The following OSBPL3 variants were observed in gnomAD, a reference collection of about 807,000 sequenced individuals.
OSBPL3 encodes the protein oxysterol binding protein like 3.
OSBPL3 carries 65 observed loss-of-function variants against 120.1 expected under a neutral mutation model. That is an observed-to-expected ratio of 0.54 (90% CI 0.44 to 0.67). OSBPL3 has a LOEUF of 0.67. OSBPL3 is among the 30% of genes least tolerant of loss of function. The pLI, the probability that OSBPL3 is intolerant of heterozygous loss-of-function variation, is 0.00. For missense variants in OSBPL3, 1,004 were observed against 1,082.1 expected (o/e 0.93, Z 1.01); for synonymous variants, 416 against 402.6 (o/e 1.03, Z -0.40).
At chr7:24,893,038 G>A (rs182894112) in intron 1 of OSBPL3, among the ~76,000 whole-genome samples, 10 of 152,306 alleles carry the variant, frequency 6.6e-5, no homozygotes, top group South Asian at 2.1e-4. Flanking sequence ...TGGCATAGCC[G>A]TGGTGGAAAA....
chr7:24,889,781 G>A (rs1805069293), intron 2 of OSBPL3, among the ~76,000 whole-genome samples: 1 of 152,204 alleles, frequency 6.6e-6, no homozygotes, highest in African/African-American at 2.4e-5. Context: ...CTGGAAATCT[G>A]AAACTGTGGA....
rs772605031 is a variant in OSBPL3, at chr7:24,849,029, G to T, written c.1266+40C>A. 1.4e-6 allele frequency: 2 copies of T among 1,399,744 alleles called. No individual in the cohort carries two copies. The highest frequency in any genetic ancestry group is 1.2e-5 in the South Asian group (1 of 85,684). The allele number at this position is 1,399,744 out of a possible 1,614,324, so 86.7% of individuals were successfully genotyped here. A position where few individuals can be genotyped will look rare whatever the true frequency, so the allele number is the denominator to read the frequency against. On this transcript the variant is annotated intron_variant, in intron 12 of 22. Transcript: ENST00000313367. The surrounding 1 kb of genome is among the most constrained non-coding windows in gnomAD (Gnocchi z 5.4). ...GACAGATGGTATCACGGGAGCGGGC[G>T]GCAGCTGGGGAGACATTACCAGACG...
chr7:24,809,899 CT>C lies in OSBPL3; in HGVS notation c.2224del (p.Arg742GlyfsTer51). 1 of 1,614,160 alleles carries C rather than the reference CT, an allele frequency of 6.2e-7. No individual in the cohort carries two copies. The highest frequency in any genetic ancestry group is 8.5e-7 in the Non-Finnish European group (1 of 1,179,984). On this transcript the variant is annotated frameshift_variant, in exon 20 of 23. Coordinates refer to ENST00000313367, the MANE Select transcript of OSBPL3 (RefSeq NM_015550.4). LOFTEE classifies it high-confidence loss of function. ...CAGCCGATGAACCGCTTTTCCACTC[CT>C]GTCAAACACTGTGCCTTCAATCTCA... ...AHEIEGTVFD[R>X]SGKAVHRLFG...
At chr7:24,869,186 T>TGC (rs761286346) in intron 5 of OSBPL3, among the ~76,000 whole-genome samples, 51 of 152,324 alleles carry the variant, frequency 3.3e-4, no homozygotes, top group Non-Finnish European at 2.8e-4. Context: ...AATATTAAAC[T>TGC]GCATTTATCA....
chr7:24,939,152 A>C lies in OSBPL3; in HGVS notation c.-150+40734T>G, dbSNP rs1812793143. On this transcript the variant is annotated intron_variant, in intron 1 of 22. Coordinates refer to ENST00000313367, the MANE Select transcript of OSBPL3 (RefSeq NM_015550.4). The surrounding 1 kb of genome is among the most constrained non-coding windows in gnomAD (Gnocchi z 4.2). ...AGTATTTAAGAGAAAGAAAGAGAAA[A>C]GATAAATGAAGAAAACTAAGACATC... Among the ~76,000 whole-genome samples the C allele has an allele frequency of 6.6e-6, 1 of 152,174 alleles. No individual in the cohort carries two copies. Among genetic ancestry groups the C allele is most frequent in the Non-Finnish European group, 1.5e-5 (1 of 68,038 alleles).
At chr7:24,866,677 T>C (rs543909277) in intron 5 of OSBPL3, among the ~76,000 whole-genome samples, 2 of 152,096 alleles carry the variant, frequency 1.3e-5, no homozygotes, top group Admixed American at 1.3e-4. Context: ...AGAAAAGGAA[T>C]GGAGAAATAG....
chr7:24,842,479 G>T, intron 12 of OSBPL3, 66 bp from the exon 13 acceptor site: 1 of 1,271,418 alleles, frequency 7.9e-7, no homozygotes, highest in South Asian at 1.3e-5. Flanking sequence ...GAAAATAAAT[G>T]ATTTAGTTGT....
intron 9 of OSBPL3, 121 bp from the exon 10 acceptor site, chr7:24,861,890 T>C: frequency 1.7e-6 from 1 of 584,542 alleles, no homozygotes; most frequent in Non-Finnish European, 2.7e-6. Context: ...AGGTCTTTTT[T>C]TTTTTTTTTT....
rs1799332498 is a variant in OSBPL3 at position 24,852,831 on chromosome 7, C to A, written c.1028-197G>T. On this transcript the variant is annotated intron_variant, in intron 10 of 22. Coordinates refer to ENST00000313367, the MANE Select transcript of OSBPL3 (RefSeq NM_015550.4). The surrounding 1 kb of genome is among the most constrained non-coding windows in gnomAD (Gnocchi z 4.1). ...AACACGCTAATGTAAACTAAGGCCT[C>A]TGGATGATGATGTGTCCACGTAGGT... Among the ~76,000 whole-genome samples, 1 of 152,080 alleles carries A rather than the reference C, an allele frequency of 6.6e-6. No homozygotes were observed. The highest frequency in any genetic ancestry group is 1.5e-5 in the Non-Finnish European group (1 of 68,012).
intron 1 of OSBPL3, among the ~76,000 whole-genome samples, chr7:24,903,328 C>T (rs926796757): frequency 2.6e-5 from 4 of 152,172 alleles, no homozygotes; most frequent in African/African-American, 9.7e-5. Flanking sequence ...AGCCACATAT[C>T]AAAGATACTT....
intron 1 of OSBPL3, among the ~76,000 whole-genome samples, chr7:24,960,903 C>A (rs1342062429): frequency 6.6e-6 from 1 of 152,138 alleles, no homozygotes; most frequent in African/African-American, 2.4e-5. Context: ...TAATTACACC[C>A]CTCGATCTTA....
chr7:24,839,916 G>T (rs1039047386), intron 14 of OSBPL3, among the ~76,000 whole-genome samples: 1 of 137,952 alleles, frequency 7.2e-6, no homozygotes, highest in African/African-American at 2.7e-5. Context: ...GCTTTAACCC[G>T]GGAGGCAGAG....
chr7:24,837,951 T>C (rs1230918726), intron 14 of OSBPL3, among the ~76,000 whole-genome samples: 1 of 152,200 alleles, frequency 6.6e-6, no homozygotes, highest in Non-Finnish European at 1.5e-5. Context: ...GGAAACACTC[T>C]AAAAACCTCA....
chr7:24,864,149 T>C (rs1800978330), intron 7 of OSBPL3, among the ~76,000 whole-genome samples: 1 of 152,194 alleles, frequency 6.6e-6, no homozygotes, highest in Non-Finnish European at 1.5e-5. Flanking sequence ...AGGACCATAA[T>C]AAGCCTCTTG....
chr7:24,807,481 G>A (rs193099396), intron 20 of OSBPL3, among the ~76,000 whole-genome samples: 352 of 151,204 alleles, frequency 2.3e-3, no homozygotes, highest in African/African-American at 8.0e-3. Flanking sequence ...CGACAAGAGC[G>A]AAACTCCATC....
In OSBPL3 at chr7:24,833,749, A is replaced by C. The variant is rs1453019293; in HGVS notation, c.1746+737T>G. On this transcript the variant is annotated intron_variant, in intron 15 of 22. Coordinates refer to ENST00000313367, the MANE Select transcript of OSBPL3 (RefSeq NM_015550.4). The surrounding 1 kb of genome is among the most constrained non-coding windows in gnomAD (Gnocchi z 4.4). ...AGCGGTACAGACACCCACGTTCAAG[A>C]ACAAAGTTAGTCACAGTCATAGAGA... Among the ~76,000 whole-genome samples the C allele has an allele frequency of 2.0e-5, 3 of 152,150 alleles. No homozygotes were observed. The highest frequency in any genetic ancestry group is 4.8e-5 in the African/African-American group (2 of 41,438).
In OSBPL3 at chr7:24,899,824, A is replaced by G. The variant is rs1180913142; in HGVS notation, c.-149-7203T>C. 6.6e-6 allele frequency among the ~76,000 whole-genome samples: 1 copy of G among 152,242 alleles called. No homozygotes were observed. The highest frequency in any genetic ancestry group is 1.5e-5 in the Non-Finnish European group (1 of 68,036). On this transcript the variant is annotated intron_variant, in intron 1 of 22. Transcript: ENST00000313367. This position sits in a 1 kb window ranked among gnomAD's most constrained non-coding sequence, Gnocchi z 4.0. The stretch of plus-strand genomic sequence containing the variant: ...AAAGTCTTCCGGATTCTTATTTAAG[A>G]TGCAGATTTTGCTCCACTTTAGATG...
chr7:24,922,879 G>A lies in OSBPL3; in HGVS notation c.-149-30258C>T, dbSNP rs767488155. ...AGGGCTAATTCTGATTCCAAAGCAAGCTTATTACTTTAGGGTCGATGCAGC... is the reference window on the plus strand; with the variant it reads ...AGGGCTAATTCTGATTCCAAAGCAAACTTATTACTTTAGGGTCGATGCAGC... On this transcript the variant is annotated intron_variant, in intron 1 of 22. Transcript: ENST00000313367. The surrounding 1 kb of genome is among the most constrained non-coding windows in gnomAD (Gnocchi z 4.3). 1.3e-5 allele frequency among the ~76,000 whole-genome samples: 2 copies of A among 152,050 alleles called. No individual in the cohort carries two copies. Among genetic ancestry groups the A allele is most frequent in the African/African-American group, 2.4e-5 (1 of 41,390 alleles).
chr7:24,815,211 G>A lies in OSBPL3; in HGVS notation c.2028-8C>T. ...TCAAAATGATCCCCAAAACTAAAAA[G>A]AAGGAAAAAGTAGAAGTACCAATTT... On this transcript the variant is annotated splice_polypyrimidine_tract_variant and splice_region_variant and intron_variant, in intron 18 of 22. Coordinates refer to ENST00000313367, the MANE Select transcript of OSBPL3 (RefSeq NM_015550.4). The surrounding 1 kb of genome is among the most constrained non-coding windows in gnomAD (Gnocchi z 5.1). 1 of 1,608,516 alleles carries A rather than the reference G, an allele frequency of 6.2e-7. No individual in the cohort carries two copies. Among genetic ancestry groups the A allele is most frequent in the Non-Finnish European group, 8.5e-7 (1 of 1,178,270 alleles).
Sources: allele counts gnomAD v4.1 joint callset (sites outside exome capture counted in the v4.1 genomes callset), GRCh38; gene constraint gnomAD v4.1.1; non-coding constraint Gnocchi (gnomAD v3.1); transcripts MANE v1.5; gene names NCBI Gene and HGNC (gene_info 2026-07-23, HGNC 2026-07-21).